The following PPP2R2B variants were observed in gnomAD, a reference collection of about 807,000 sequenced individuals.
PPP2R2B encodes the protein protein phosphatase 2 regulatory subunit Bbeta, also known as serine/threonine-protein phosphatase 2A 55 kDa regulatory subunit B beta isoform.
A neutral mutation model predicts 46.0 loss-of-function variants in PPP2R2B; 5 were observed. That is an observed-to-expected ratio of 0.11 (90% CI 0.06 to 0.23). The LOEUF (loss-of-function observed/expected upper bound fraction) is 0.23. PPP2R2B is among the 10% of genes least tolerant of loss of function. PPP2R2B has a pLI of 1.00. For synonymous variants in PPP2R2B, 215 were observed against 206.7 expected (o/e 1.04, Z -0.34); for missense variants, 367 against 575.0 (o/e 0.64, Z 3.70).
At chr5:146,780,639 CT>C (rs1755453468) in intron 2 of PPP2R2B, among the ~76,000 whole-genome samples, 1 of 152,106 alleles carries the variant, frequency 6.6e-6, no homozygotes, top group South Asian at 2.1e-4. Context: ...AGAATAGAGT[CT>C]GAAATACCTG....
chr5:146,714,795 C>T (rs1321800020), intron 2 of PPP2R2B, among the ~76,000 whole-genome samples: 7 of 140,988 alleles, frequency 5.0e-5, no homozygotes, highest in Non-Finnish European at 1.1e-4. Context: ...GAATAAAAGA[C>T]CTCTTGATTT....
intron 1 of PPP2R2B, among the ~76,000 whole-genome samples, chr5:146,959,241 T>C (rs1022966596): frequency 2.0e-5 from 3 of 152,298 alleles, no homozygotes; most frequent in Admixed American, 6.5e-5. Flanking sequence ...CTACCTAACA[T>C]GCCTTCTAGC....
rs190066678 is a variant in PPP2R2B, at chr5:146,812,090, T to G, written c.70+65912A>C. ...CTGGGCCCAAGAGCTCTGAGTTAAC[T>G]TTGGACTTTTGTCACTAACTAGTTC... On this transcript the variant is annotated intron_variant, in intron 2 of 9. Transcript: ENST00000394411. 2.2e-3 allele frequency among the ~76,000 whole-genome samples: 330 copies of G among 152,176 alleles called. 4 individuals carry two copies. The highest frequency in any genetic ancestry group is 1.9e-3 in the Non-Finnish European group (132 of 68,004).
At chr5:146,879,281 T>G (rs542941876), upstream of PPP2R2B, 1 of 151,400 alleles carries the variant, frequency 6.6e-6, no homozygotes, top group Admixed American at 6.5e-5. Context: ...GGGCCAGAAC[T>G]TTGCAACTGG....
chr5:147,010,789 C>G (rs1754689740), intron 1 of PPP2R2B, among the ~76,000 whole-genome samples: 1 of 152,110 alleles, frequency 6.6e-6, no homozygotes. Flanking sequence ...CTAGACTCCT[C>G]TATGTGTCTC....
At chr5:146,922,520 C>T (rs910107835) in intron 1 of PPP2R2B, 3 of 152,220 alleles carry the variant, frequency 2.0e-5, no homozygotes, top group Admixed American at 6.5e-5. Flanking sequence ...CTTCAACATC[C>T]TAGACTCCAC....
At chr5:146,800,332 T>C (rs938032555) in intron 2 of PPP2R2B, among the ~76,000 whole-genome samples, 36 of 152,280 alleles carry the variant, frequency 2.4e-4, no homozygotes, top group African/African-American at 8.4e-4. Flanking sequence ...CTGTGTATTG[T>C]AAGGATCCCC....
intron 5 of PPP2R2B, among the ~76,000 whole-genome samples, chr5:146,662,627 C>G (rs1013633871): frequency 1.3e-5 from 2 of 152,162 alleles, no homozygotes; most frequent in East Asian, 3.9e-4. Context: ...TATAAATTAC[C>G]CAGTCTGTGG....
intron 3 of PPP2R2B, among the ~76,000 whole-genome samples, chr5:146,698,451 T>C (rs905247748): frequency 6.0e-5 from 9 of 150,284 alleles, no homozygotes; most frequent in African/African-American, 2.0e-4. Flanking sequence ...TTAAAATCAA[T>C]ATAAATAGAA....
At chr5:146,915,698 G>A (rs937069776) in intron 1 of PPP2R2B, among the ~76,000 whole-genome samples, 16 of 151,938 alleles carry the variant, frequency 1.1e-4, no homozygotes, top group Admixed American at 9.8e-4. Flanking sequence ...TCCTTTCCAG[G>A]TTACCATTCT....
chr5:147,010,057 C>A (rs928570010), intron 1 of PPP2R2B, among the ~76,000 whole-genome samples: 1 of 152,128 alleles, frequency 6.6e-6, no homozygotes, highest in African/African-American at 2.4e-5. Flanking sequence ...CTCATAAATA[C>A]ACACTTTACA....
At chr5:147,078,942 A>G (rs1757884459) in intron 2 of PPP2R2B, among the ~76,000 whole-genome samples, 1 of 152,148 alleles carries the variant, frequency 6.6e-6, no homozygotes, top group Admixed American at 6.5e-5. Context: ...AAAACAAGGC[A>G]TTCACTTGAG....
chr5:146,936,704 C>G (rs951602940), intron 1 of PPP2R2B, among the ~76,000 whole-genome samples: 2 of 151,974 alleles, frequency 1.3e-5, no homozygotes, highest in East Asian at 3.9e-4. Context: ...TCGTTTAGCC[C>G]CTACGGCTGT....
At chr5:146,916,497 G>A (rs879937935) in intron 1 of PPP2R2B, among the ~76,000 whole-genome samples, 4 of 152,100 alleles carry the variant, frequency 2.6e-5, no homozygotes, top group African/African-American at 9.7e-5. Context: ...TATCTGACAC[G>A]TGACTGGCAC....
At chr5:146,873,469 T>A (rs114713732) in intron 2 of PPP2R2B, among the ~76,000 whole-genome samples, 1 of 152,204 alleles carries the variant, frequency 6.6e-6, no homozygotes, top group Non-Finnish European at 1.5e-5. Flanking sequence ...AAACTCCTTG[T>A]GGTCAACAAG....
chr5:147,079,434 T>TTTTATATATATATA (rs1554091362), intron 2 of PPP2R2B, among the ~76,000 whole-genome samples: 7 of 80,984 alleles, frequency 8.6e-5, no homozygotes, highest in African/African-American at 3.0e-4. Context: ...CACACACATT[T>TTTTATATATATATA]TATATATATA....
chr5:147,073,803 C>A (rs974961653), intron 2 of PPP2R2B, among the ~76,000 whole-genome samples: 1 of 152,116 alleles, frequency 6.6e-6, no homozygotes, highest in Admixed American at 6.5e-5. Flanking sequence ...TTTGGGAGGC[C>A]GAGGCAGGCA....
intron 2 of PPP2R2B, among the ~76,000 whole-genome samples, chr5:146,808,102 T>A (rs955658549): frequency 6.6e-6 from 1 of 151,964 alleles, no homozygotes; most frequent in Non-Finnish European, 1.5e-5. Flanking sequence ...CACCCAGCTA[T>A]CTTCTCTTAA....
intron 5 of PPP2R2B, among the ~76,000 whole-genome samples, chr5:146,682,609 C>T (rs575586085): frequency 7.2e-5 from 11 of 152,300 alleles, no homozygotes; most frequent in African/African-American, 2.6e-4. Flanking sequence ...ACCCACTCCA[C>T]AGGCTGCCGT....
Sources: allele counts gnomAD v4.1 joint callset (sites outside exome capture counted in the v4.1 genomes callset), GRCh38; gene constraint gnomAD v4.1.1; transcripts MANE v1.5; gene names NCBI Gene and HGNC (gene_info 2026-07-23, HGNC 2026-07-21).